The following CLN6 variants were observed in gnomAD, a reference collection of about 807,000 sequenced individuals.
CLN6 encodes ceroid-lipofuscinosis neuronal protein 6.
In CLN6, 22 loss-of-function variants were observed where a neutral mutation model predicts 33.3. The observed-to-expected ratio is 0.66, with a 90% CI of 0.47 to 0.94. The LOEUF (loss-of-function observed/expected upper bound fraction) is 0.94, where lower values mean the gene tolerates loss of function less well. Ranked by LOEUF, CLN6 falls within the 40% of genes least tolerant of loss-of-function variation. CLN6 has a pLI of 0.00. For synonymous variants in CLN6, 201 were observed against 174.6 expected (o/e 1.15, Z -1.19); for missense variants, 387 against 417.1 (o/e 0.93, Z 0.63).
chr15:68,239,287 C>T (rs1892260656), intron 1 of CLN6, among the ~76,000 whole-genome samples: 2 of 150,920 alleles, frequency 1.3e-5, no homozygotes, highest in South Asian at 4.2e-4. Context: ...AAACAATAAA[C>T]TAAAAGACAC....
rs1892329567 is a variant in CLN6 at position 68,246,322 on chromosome 15, A to G, written c.179+10368T>C. 6.6e-6 allele frequency among the ~76,000 whole-genome samples: 1 copy of G among 152,180 alleles called. No homozygotes were observed. The highest frequency in any genetic ancestry group is 2.1e-4 in the South Asian group (1 of 4,836). On this transcript the variant is annotated intron_variant, in intron 1 of 6. Coordinates refer to the CLN6 transcript ENST00000538696. This position sits in a 1 kb window ranked among gnomAD's most constrained non-coding sequence, Gnocchi z 4.5. Reference sequence around the variant, plus strand: ...AAAATAGACTATATCTTAGGCTACAAAACAAGTCTGAACAAATTCAATAAA... The same window carrying G: ...AAAATAGACTATATCTTAGGCTACAGAACAAGTCTGAACAAATTCAATAAA...
intron 2 of CLN6, among the ~76,000 whole-genome samples, chr15:68,217,711 T>G (rs2093224261): frequency 6.6e-6 from 1 of 152,184 alleles, no homozygotes; most frequent in Admixed American, 6.5e-5. Flanking sequence ...GCTCTATGAC[T>G]GTGGCCCGTC....
rs899470739 is a variant in CLN6, at chr15:68,256,741, G to T, written c.128C>A (p.Ala43Glu). Reference sequence around the variant, plus strand: ...CAGCGAAGTCTCACAGGACAATGGCGCCTGCGCCAGTGGCTTGAAGGCTCG... The same window carrying T: ...CAGCGAAGTCTCACAGGACAATGGCTCCTGCGCCAGTGGCTTGAAGGCTCG... The change falls in exon 1 of 7, where the codon GCG becomes GAG. Residue 43 changes from alanine (A) to glutamate (E), a missense_variant. Transcript: ENST00000538696. The surrounding 1 kb of genome is among the most constrained non-coding windows in gnomAD (Gnocchi z 4.1). 41 of 700,398 alleles carry T rather than the reference G, an allele frequency of 5.9e-5. No individual in the cohort carries two copies. In the African/African-American group the frequency reaches 5.9e-4, roughly 10 times the overall value. The allele number at this position is 700,398 out of a possible 1,614,324, so 43.4% of individuals were successfully genotyped here. A position where few individuals can be genotyped will look rare whatever the true frequency, so the allele number is the denominator to read the frequency against.
At position 68,256,725 on chromosome 15, in the gene CLN6, C is replaced by G. The variant is rs1296956654; in HGVS notation, c.144G>C (p.Glu48Asp). ...TGAATTTGAGTTTTCTCAGCGAAGT[C>G]TCACAGGACAATGGCGCCTGCGCCA... Residue 48 changes from glutamate (E) to aspartate (D), a missense_variant, in exon 1 of 7, where the codon GAG becomes GAC. Coordinates refer to the CLN6 transcript ENST00000538696. This position sits in a 1 kb window ranked among gnomAD's most constrained non-coding sequence, Gnocchi z 4.1. The G allele has an allele frequency of 4.4e-6, 3 of 689,506 alleles. No individual in the cohort carries two copies. Among genetic ancestry groups the G allele is most frequent in the Admixed American group, 4.3e-5 (2 of 46,192 alleles). The allele number at this position is 689,506 out of a possible 1,614,324, so 42.7% of individuals were successfully genotyped here.
intron 1 of CLN6, among the ~76,000 whole-genome samples, chr15:68,251,142 A>G (rs1418591633): frequency 6.6e-6 from 1 of 152,218 alleles, no homozygotes; most frequent in African/African-American, 2.4e-5. Context: ...CTTATACTCT[A>G]ACATCAAATC....
At chr15:68,245,238 C>T (rs1892319245) in intron 1 of CLN6, among the ~76,000 whole-genome samples, 1 of 148,302 alleles carries the variant, frequency 6.7e-6, no homozygotes, top group Non-Finnish European at 1.5e-5. Flanking sequence ...CCATGGTAAC[C>T]ATAATGTTAA....
chr15:68,222,754 T>A (rs1479546810), intron 1 of CLN6, among the ~76,000 whole-genome samples: 1 of 152,218 alleles, frequency 6.6e-6, no homozygotes. Context: ...GAAGTAGACA[T>A]AGGAGACTCC....
chr15:68,232,630 T>A (rs1402720034), upstream of CLN6, among the ~76,000 whole-genome samples: 3 of 152,156 alleles, frequency 2.0e-5, no homozygotes, highest in Non-Finnish European at 4.4e-5. The surrounding 1 kb of genome is among the most constrained non-coding windows in gnomAD (Gnocchi z 4.7). Flanking sequence ...TGCAGGAGTG[T>A]TGGACACTCC....
intron 1 of CLN6, among the ~76,000 whole-genome samples, chr15:68,235,589 T>TAAATAAATAAATAAATAA (rs1410087685): frequency 1.3e-4 from 1 of 7,438 alleles, no homozygotes; most frequent in African/African-American, 1.8e-4. Flanking sequence ...TAAAAATAAA[T>TAAATAAATAAATAAATAA]ATATATATAT....
upstream of CLN6, among the ~76,000 whole-genome samples, chr15:68,232,909 G>T (rs559083670): frequency 9.8e-5 from 15 of 152,316 alleles, no homozygotes; most frequent in African/African-American, 3.6e-4. This position sits in a 1 kb window ranked among gnomAD's most constrained non-coding sequence, Gnocchi z 4.7. Flanking sequence ...GGGTGTCGTG[G>T]CATGTGCCTG....
upstream of CLN6, among the ~76,000 whole-genome samples, chr15:68,231,342 G>A (rs866816557): frequency 2.0e-5 from 3 of 152,268 alleles, no homozygotes; most frequent in Middle Eastern, 3.4e-3. Context: ...ACACCAGGTC[G>A]TAAGGAGAAC....
intron 1 of CLN6, among the ~76,000 whole-genome samples, chr15:68,253,970 C>T (rs1418700140): frequency 1.3e-5 from 2 of 152,078 alleles, no homozygotes; most frequent in Admixed American, 1.3e-4. Context: ...CTCCGCCTCC[C>T]GGGTTCACGC....
At chr15:68,254,499 A>C in intron 1 of CLN6, 1 of 345,662 alleles carries the variant, frequency 2.9e-6, no homozygotes, top group East Asian at 6.6e-5. Flanking sequence ...AATGTCTCTT[A>C]ATAAATTTTA....
rs1402042498 is a variant in CLN6, at chr15:68,228,049, A to C, written c.83+1453T>G. On this transcript the variant is annotated intron_variant, in intron 1 of 6. Transcript: ENST00000249806. The surrounding 1 kb of genome is among the most constrained non-coding windows in gnomAD (Gnocchi z 4.4). ...GGGCAGACAGCCCGGGGACTCAGCC[A>C]GTCAGGCTCCTCAGCCCATCTAAGC... 1.3e-5 allele frequency among the ~76,000 whole-genome samples: 2 copies of C among 152,216 alleles called. No individual in the cohort carries two copies. The highest frequency in any genetic ancestry group is 4.8e-5 in the African/African-American group (2 of 41,464).
At chr15:68,217,851 T>C (rs1358760487) in intron 2 of CLN6, among the ~76,000 whole-genome samples, 1 of 151,444 alleles carries the variant, frequency 6.6e-6, no homozygotes, top group Non-Finnish European at 1.5e-5. Context: ...CGTCTATTTA[T>C]TATCTATCAT....
chr15:68,246,736 A>C lies in CLN6; in HGVS notation c.179+9954T>G, dbSNP rs1892332427. On this transcript the variant is annotated intron_variant, in intron 1 of 6. Transcript: ENST00000538696. This position sits in a 1 kb window ranked among gnomAD's most constrained non-coding sequence, Gnocchi z 4.5. ...AGAAATAATAAATATCAGAGCAGAAATAAATGAAATTAGGCTAAAATATAG... is the reference window on the plus strand; with the variant it reads ...AGAAATAATAAATATCAGAGCAGAACTAAATGAAATTAGGCTAAAATATAG... Among the ~76,000 whole-genome samples, 1 of 152,162 alleles carries C rather than the reference A, an allele frequency of 6.6e-6. No individual in the cohort carries two copies. The highest frequency in any genetic ancestry group is 1.5e-5 in the Non-Finnish European group (1 of 68,040).
upstream of CLN6, among the ~76,000 whole-genome samples, chr15:68,229,944 C>T (rs902287057): frequency 6.6e-6 from 1 of 152,196 alleles, no homozygotes; most frequent in African/African-American, 2.4e-5. Flanking sequence ...GTACGGGAAT[C>T]TCTGTCTAGG....
chr15:68,207,938 GT>G lies in CLN6; in HGVS notation c.*201del. On this transcript the variant is annotated 3_prime_UTR_variant, in exon 7 of 7. Coordinates refer to ENST00000249806, the MANE Select transcript of CLN6 (RefSeq NM_017882.3). ...ATCAAACAGAAACTTGACGGAAATA[GT>G]AGAGTCTGAAAATGATGCACTCTGC... 4.6e-5 allele frequency: 28 copies of G among 612,036 alleles called. 1 individual carries two copies. The South Asian group carries it at 5.5e-4, about 12-fold the overall frequency. The allele number at this position is 612,036 out of a possible 1,614,324, so 37.9% of individuals were successfully genotyped here.
chr15:68,229,299 C>G (rs532308564), intron 1 of CLN6, among the ~76,000 whole-genome samples: 3 of 152,086 alleles, frequency 2.0e-5, no homozygotes, highest in Non-Finnish European at 4.4e-5. Context: ...CCCCGCTGGG[C>G]CCCAGGCTCC....
Sources: gnomAD v4.1 joint callset for allele counts (sites outside exome capture counted in the v4.1 genomes callset) on GRCh38, gnomAD v4.1.1 for gene constraint, Gnocchi (gnomAD v3.1) non-coding constraint, MANE v1.5 for transcripts, NCBI Gene and HGNC (gene_info 2026-07-23, HGNC 2026-07-21) for gene names.